FBXL13: variants seen among roughly 807,000 people sequenced by gnomAD.
FBXL13 encodes F-box and leucine-rich repeat protein 13.
FBXL13 carries 67 observed loss-of-function variants against 83.6 expected under a neutral mutation model. That is an observed-to-expected ratio of 0.80 (90% CI 0.66 to 0.98). The LOEUF is 0.98. Ranked by LOEUF, FBXL13 falls within the 50% of genes least tolerant of loss-of-function variation. The probability of loss-of-function intolerance (pLI) is 0.00; values close to 1 mark genes in which losing one functional copy is unlikely to be tolerated. For missense variants in FBXL13, 822 were observed against 866.5 expected (o/e 0.95, Z 0.64); for synonymous variants, 272 against 299.5 (o/e 0.91, Z 0.95).
At chr7:102,972,430 A>G (rs1826803521) in intron 6 of FBXL13, among the ~76,000 whole-genome samples, 1 of 152,216 alleles carries the variant, frequency 6.6e-6, no homozygotes, top group African/African-American at 2.4e-5. Context: ...TAGAATGGTT[A>G]TCTTCTACAA....
At chr7:102,852,242 G>A in intron 17 of FBXL13, among the ~76,000 whole-genome samples, 1 of 152,056 alleles carries the variant, frequency 6.6e-6, no homozygotes, top group East Asian at 1.9e-4. Flanking sequence ...AGAGCCTGGA[G>A]GTGAACTTGG....
In FBXL13 at chr7:102,934,048, C is replaced by A; in HGVS notation, c.725-2115G>T. On this transcript the variant is annotated intron_variant, in intron 8 of 19. Transcript: ENST00000313221. ...GAGGCCGGAGAGGCTCCAACCCGGT[C>A]AAACGCTACGCACCAGGCCTCCCGT... 1.9e-6 allele frequency: 3 copies of A among 1,614,032 alleles called. No individual in the cohort carries two copies. The South Asian group carries it at 3.3e-5, about 18-fold the overall frequency.
intron 2 of FBXL13, among the ~76,000 whole-genome samples, chr7:103,044,135 G>T (rs559970906): frequency 2.0e-5 from 3 of 152,276 alleles, no homozygotes; most frequent in Non-Finnish European, 4.4e-5. Context: ...CAGCTTGCAT[G>T]AAATACGGGA....
intron 8 of FBXL13, among the ~76,000 whole-genome samples, chr7:102,949,895 C>T (rs796973650): frequency 1.4e-4 from 22 of 152,014 alleles, no homozygotes; most frequent in African/African-American, 3.9e-4. Flanking sequence ...CACTTGACGT[C>T]GGGAGTTCAA....
At chr7:102,827,466 C>G (rs566554593) in intron 18 of FBXL13, among the ~76,000 whole-genome samples, 3 of 152,134 alleles carry the variant, frequency 2.0e-5, no homozygotes, top group Non-Finnish European at 4.4e-5. Context: ...AGCAAAAGAT[C>G]AGCCAATACT....
intron 6 of FBXL13, among the ~76,000 whole-genome samples, chr7:103,007,056 C>G (rs966481862): frequency 6.6e-6 from 1 of 151,796 alleles, no homozygotes; most frequent in African/African-American, 2.4e-5. Flanking sequence ...GAAAGAAAAA[C>G]AAGGCTAAGA....
At chr7:103,059,885 C>T (rs1043597495) in intron 1 of FBXL13, among the ~76,000 whole-genome samples, 7 of 151,564 alleles carry the variant, frequency 4.6e-5, no homozygotes, top group African/African-American at 1.5e-4. Context: ...TGACAAATTA[C>T]GTCTGTTTCC....
chr7:102,969,611 C>A (rs563294289), intron 6 of FBXL13, among the ~76,000 whole-genome samples: 4 of 152,062 alleles, frequency 2.6e-5, no homozygotes, highest in South Asian at 4.1e-4. Flanking sequence ...GAGTTCAAGA[C>A]CAGCCTGGCC....
At chr7:103,032,480 C>A (rs955755489) in intron 2 of FBXL13, among the ~76,000 whole-genome samples, 1 of 152,110 alleles carries the variant, frequency 6.6e-6, no homozygotes, top group South Asian at 2.1e-4. Context: ...ATCATTGTAC[C>A]CATGCCATAG....
chr7:102,965,160 T>C (rs1457987516), intron 7 of FBXL13, among the ~76,000 whole-genome samples: 1 of 152,162 alleles, frequency 6.6e-6, no homozygotes, highest in East Asian at 1.9e-4. Context: ...AGAGGAGAAA[T>C]TCTATGCTGC....
rs1376653190 is a variant in FBXL13 at position 102,832,828 on chromosome 7, T to C, written c.1854+12A>G. 1 of 1,614,124 alleles carries C rather than the reference T, an allele frequency of 6.2e-7. No individual in the cohort carries two copies. Among genetic ancestry groups the C allele is most frequent in the Non-Finnish European group, 8.5e-7 (1 of 1,179,998 alleles). ...AAATTGGATGTGTTTGAGCCCTGAC[T>C]CCTGCACATACCTTTGGACAGCCAG... is the stretch of plus-strand genomic sequence containing the variant. On this transcript the variant is annotated intron_variant, in intron 18 of 19. Coordinates refer to ENST00000313221, the Ensembl canonical transcript of FBXL13.
chr7:102,927,340 T>C (rs953485878), intron 9 of FBXL13, among the ~76,000 whole-genome samples: 1 of 152,186 alleles, frequency 6.6e-6, no homozygotes, highest in African/African-American at 2.4e-5. Flanking sequence ...TGCAGGTATC[T>C]ATCTGTCTGG....
chr7:102,959,467 TA>T (rs895536947), intron 8 of FBXL13, among the ~76,000 whole-genome samples: 1 of 151,974 alleles, frequency 6.6e-6, no homozygotes, highest in Non-Finnish European at 1.5e-5. Context: ...AAATAAAAGG[TA>T]AAAATATATA....
chr7:102,925,713 G>A (rs1458798606), intron 10 of FBXL13, among the ~76,000 whole-genome samples: 4 of 152,168 alleles, frequency 2.6e-5, no homozygotes, highest in Admixed American at 6.5e-5. Context: ...AGGCCCAGGC[G>A]GGCAGATCAC....
chr7:102,885,010 G>T (rs1044611336), intron 11 of FBXL13, among the ~76,000 whole-genome samples: 7 of 152,240 alleles, frequency 4.6e-5, no homozygotes, highest in African/African-American at 1.7e-4. Flanking sequence ...CTATTCAATG[G>T]AAAAACTACG....
chr7:103,074,620 G>C (rs1001617607), upstream of FBXL13: 4 of 1,256,378 alleles, frequency 3.2e-6, no homozygotes, highest in South Asian at 1.3e-5. Context: ...TCCCTCCTCC[G>C]GGAAGTCTTT....
chr7:103,056,701 G>A (rs779253262), intron 1 of FBXL13, among the ~76,000 whole-genome samples: 8 of 152,030 alleles, frequency 5.3e-5, no homozygotes, highest in African/African-American at 1.2e-4. Flanking sequence ...CAGGTGATCC[G>A]CCTGCCTCAG....
rs146427378 is a variant in FBXL13, at chr7:102,949,348, T to A, written c.724+14185A>T. On this transcript the variant is annotated intron_variant, in intron 8 of 19. Transcript: ENST00000313221. ...GGTAAACTTGTGTCACAGGGGTTTG[T>A]TGTACAGATAATTTAGTCACCCAGG... Among the ~76,000 whole-genome samples the A allele has an allele frequency of 3.7e-3, 567 of 152,296 alleles. 5 individuals are homozygous for A. The highest frequency in any genetic ancestry group is 0.013 in the African/African-American group (560 of 41,562).
chr7:102,921,118 C>G (rs1327719620), intron 10 of FBXL13, among the ~76,000 whole-genome samples: 1 of 152,114 alleles, frequency 6.6e-6, no homozygotes, highest in African/African-American at 2.4e-5. Flanking sequence ...CTTCATTGCA[C>G]TCCAGCCTGG....
Sources: allele counts gnomAD v4.1 joint callset (sites outside exome capture counted in the v4.1 genomes callset), GRCh38; gene constraint gnomAD v4.1.1; transcripts MANE v1.5; gene names NCBI Gene and HGNC (gene_info 2026-07-23, HGNC 2026-07-21).